The following GARIN4 variants were observed in gnomAD, a reference collection of about 807,000 sequenced individuals.
The protein encoded by GARIN4 is Golgi-associated RAB2 interactor protein 4.
chr1:212,626,336 A>C, the GARIN4 span: 1 of 1,614,224 alleles, frequency 6.2e-7, no homozygotes, highest in Non-Finnish European at 8.5e-7. Flanking sequence ...CAGCAGGCAC[A>C]GGGACTCGCA....
At chr1:212,625,915 G>A in the GARIN4 span, 1 of 1,614,216 alleles carries the variant, frequency 6.2e-7, no homozygotes, top group Non-Finnish European at 8.5e-7. Context: ...CTGTGGCAGG[G>A]GCTGCAGGCA....
At chr1:212,626,200 G>A in the GARIN4 span, 1 of 1,614,112 alleles carries the variant, frequency 6.2e-7, no homozygotes, top group Non-Finnish European at 8.5e-7. Context: ...ATCGCCGCAG[G>A]ACAGGTGAAA....
At chr1:212,625,275 A>C in the GARIN4 span, 1 of 1,614,194 alleles carries the variant, frequency 6.2e-7, no homozygotes, top group African/African-American at 1.3e-5. Flanking sequence ...TCTGTTCAAG[A>C]CCATGAGAAA....
At chr1:212,626,593 C>T in the GARIN4 span, 1 of 1,613,938 alleles carries the variant, frequency 6.2e-7, no homozygotes, top group Non-Finnish European at 8.5e-7. Context: ...CAGAGGGTGG[C>T]CAGGGGCTGG....
chr1:212,625,382 A>C, the GARIN4 span: 1 of 1,614,220 alleles, frequency 6.2e-7, no homozygotes, highest in Non-Finnish European at 8.5e-7. Context: ...CTATTGGGAA[A>C]AACTAATTTA....
At chr1:212,624,752 T>C in the GARIN4 span, 2 of 1,428,668 alleles carry the variant, frequency 1.4e-6, no homozygotes, top group Non-Finnish European at 1.8e-6. Flanking sequence ...TGGGGTGGGA[T>C]TGAGAGACCA....
At chr1:212,625,310 A>G in the GARIN4 span, 2 of 1,614,252 alleles carry the variant, frequency 1.2e-6, no homozygotes, top group Non-Finnish European at 1.7e-6. Context: ...GAAGTTCGCC[A>G]CTGGCAGATC....
the GARIN4 span, chr1:212,626,196 G>T: frequency 1.9e-6 from 3 of 1,613,906 alleles, no homozygotes; most frequent in East Asian, 4.5e-5. Context: ...TCCCATCGCC[G>T]CAGGACAGGT....
At chr1:212,626,639 A>G in the GARIN4 span, 19 of 1,607,804 alleles carry the variant, frequency 1.2e-5, no homozygotes, top group Non-Finnish European at 1.4e-5. Flanking sequence ...CATCATGGAG[A>G]CAGTGACCTT....
chr1:212,625,529 C>G, the GARIN4 span: 14 of 1,614,178 alleles, frequency 8.7e-6, no homozygotes, highest in Non-Finnish European at 1.2e-5. Flanking sequence ...GGATCAGGAC[C>G]AGGTCAGCAT....
chr1:212,625,463 C>T, the GARIN4 span: 1 of 1,614,162 alleles, frequency 6.2e-7, no homozygotes, highest in African/African-American at 1.3e-5. Context: ...GATGTGGATG[C>T]CTGTGTTTCA....
the GARIN4 span, chr1:212,626,630 A>G: frequency 6.2e-7 from 1 of 1,610,742 alleles, no homozygotes; most frequent in South Asian, 1.1e-5. Flanking sequence ...GACACCGGAC[A>G]TCATGGAGAC....
At chr1:212,625,638 T>G in the GARIN4 span, 1 of 1,614,146 alleles carries the variant, frequency 6.2e-7, no homozygotes, top group Non-Finnish European at 8.5e-7. Flanking sequence ...CCCACTAATG[T>G]GCTCAATGCA....
chr1:212,625,182 G>A, the GARIN4 span: 1 of 1,614,078 alleles, frequency 6.2e-7, no homozygotes, highest in Non-Finnish European at 8.5e-7. Flanking sequence ...GCTGGACATG[G>A]CCAGGCCACC....
chr1:212,625,489 C>T, the GARIN4 span: 6 of 1,614,024 alleles, frequency 3.7e-6, no homozygotes, highest in African/African-American at 8.0e-5. Flanking sequence ...ACAGGAGGAG[C>T]CTGGGAGCCG....
the GARIN4 span, chr1:212,624,946 C>A: frequency 4.0e-5 from 65 of 1,613,946 alleles, no homozygotes; most frequent in Non-Finnish European, 5.3e-5. Flanking sequence ...TGTTCAACAC[C>A]ACCATGGGGA....
the GARIN4 span, chr1:212,624,684 C>T: frequency 1.5e-5 from 16 of 1,058,076 alleles, no homozygotes; most frequent in Admixed American, 6.6e-5. Context: ...ATCATCCGTG[C>T]TCCCACCCCC....
At chr1:212,626,214 G>A in the GARIN4 span, 77 of 1,614,100 alleles carry the variant, frequency 4.8e-5, no homozygotes, top group African/African-American at 1.5e-4. Flanking sequence ...GGTGAAAGCC[G>A]CCACAAAACA....
chr1:212,625,231 C>A, the GARIN4 span: 2 of 1,614,170 alleles, frequency 1.2e-6, no homozygotes, highest in Non-Finnish European at 8.5e-7. Context: ...ACTTAGAGCT[C>A]ACCAGGCTTC....
Sources: gnomAD v4.1 joint callset for allele counts on GRCh38, gnomAD v4.1.1 for gene constraint, MANE v1.5 for transcripts, NCBI Gene and HGNC (gene_info 2026-07-23, HGNC 2026-07-21) for gene names.